SAMD12: variants seen among roughly 807,000 people sequenced by gnomAD.
SAMD12 encodes sterile alpha motif domain containing 12, also known as sterile alpha motif domain-containing protein 12.
Under a neutral mutation model 15.0 loss-of-function variants are expected in SAMD12, and 9 were observed. That is an observed-to-expected ratio of 0.60 (90% confidence interval 0.36 to 1.05). The LOEUF is 1.05. SAMD12 is among the 50% of genes least tolerant of loss of function. SAMD12 has a pLI of 0.01. For synonymous variants in SAMD12, 86 were observed against 90.1 expected, an observed-to-expected ratio of 0.96 and a Z score of 0.25; for missense variants, 230 against 234.2, an observed-to-expected ratio of 0.98 and a Z score of 0.12.
chr8:118,607,142 T>A (rs1163122425), intron 1 of SAMD12, among the ~76,000 whole-genome samples: 1 of 152,214 alleles, frequency 6.6e-6, no homozygotes, highest in Non-Finnish European at 1.5e-5. Flanking sequence ...GCAAAATAAA[T>A]GAATTCACAA....
At chr8:118,437,882 T>C (rs1411507863) in intron 3 of SAMD12, among the ~76,000 whole-genome samples, 2 of 152,150 alleles carry the variant, frequency 1.3e-5, no homozygotes, top group African/African-American at 4.8e-5. Context: ...TAAATGCTTA[T>C]CCTTCCCTCA....
intron 2 of SAMD12, among the ~76,000 whole-genome samples, chr8:118,469,871 A>G (rs1431142863): frequency 6.6e-6 from 1 of 151,888 alleles, no homozygotes; most frequent in South Asian, 2.1e-4. Context: ...CCTGTACTAT[A>G]ATTTTTATGT....
At chr8:118,147,655 C>T in the SAMD12 span, among the ~76,000 whole-genome samples, 60,916 of 151,994 alleles carry the variant, frequency 0.4, 14,680 homozygotes, top group Non-Finnish European at 0.53. Context: ...CCACCGTGCC[C>T]GGCCCCTATG....
At chr8:118,354,163 A>T (rs898463628) in intron 4 of SAMD12, among the ~76,000 whole-genome samples, 1 of 152,214 alleles carries the variant, frequency 6.6e-6, no homozygotes, top group East Asian at 1.9e-4. Flanking sequence ...AAATTTCAAC[A>T]AACAACTTGT....
intron 4 of SAMD12, among the ~76,000 whole-genome samples, chr8:118,313,481 T>C (rs1294388409): frequency 6.6e-6 from 1 of 152,176 alleles, no homozygotes; most frequent in African/African-American, 2.4e-5. Flanking sequence ...TGCAGGTACC[T>C]ACCTGCAGTG....
chr8:118,414,019 G>A (rs892027830), intron 3 of SAMD12, among the ~76,000 whole-genome samples: 6 of 152,098 alleles, frequency 3.9e-5, no homozygotes, highest in Non-Finnish European at 8.8e-5. Flanking sequence ...TTGCTGTCAG[G>A]CTTGACTATC....
intron 2 of SAMD12, among the ~76,000 whole-genome samples, chr8:118,534,999 C>G (rs530260303): frequency 3.2e-4 from 49 of 152,356 alleles, no homozygotes; most frequent in Middle Eastern, 3.4e-3. Flanking sequence ...TGGCGAGGAG[C>G]TGCATTCCTT....
intron 2 of SAMD12, among the ~76,000 whole-genome samples, chr8:118,523,584 A>G (rs776051083): frequency 4.6e-5 from 7 of 152,120 alleles, no homozygotes; most frequent in African/African-American, 7.2e-5. Flanking sequence ...CAAAACCCCA[A>G]TCTTCCATGA....
chr8:118,171,345 A>T, the SAMD12 span, among the ~76,000 whole-genome samples: 1 of 152,218 alleles, frequency 6.6e-6, no homozygotes. Flanking sequence ...GTATATATCC[A>T]AGAGAAATAA....
At position 118,621,813 on chromosome 8, in the gene SAMD12, C is replaced by A. The variant is rs748024037; in HGVS notation, c.4G>T (p.Ala2Ser). The A allele has an allele frequency of 1.2e-6, 2 of 1,614,126 alleles. No individual in the cohort carries two copies. Among genetic ancestry groups the A allele is most frequent in the Admixed American group, 3.3e-5 (2 of 60,032 alleles). ...CCCAAGCGTCCCTTACCTTCCACAG[C>A]CATTCTCTCAGAGCTTCCCTAACGC... M[A>S]VEALHCGLNP... Residue 2 changes from alanine (A) to serine (S), a missense_variant, in exon 1 of 4, where the codon GCT becomes TCT. Coordinates refer to ENST00000314727, the MANE Select transcript of SAMD12 (RefSeq NM_207506.3).
chr8:118,226,154 G>A (rs548118134), intron 4 of SAMD12, among the ~76,000 whole-genome samples: 5 of 152,210 alleles, frequency 3.3e-5, no homozygotes, highest in East Asian at 1.9e-4. Context: ...ATTTGTACAC[G>A]AGGTACCAAT....
intron 2 of SAMD12, among the ~76,000 whole-genome samples, chr8:118,492,724 A>ATTTT (rs1824486956): frequency 6.6e-6 from 1 of 152,238 alleles, no homozygotes; most frequent in Non-Finnish European, 1.5e-5. Flanking sequence ...GATACTGGAC[A>ATTTT]TAAAGAGGGA....
intron 3 of SAMD12, among the ~76,000 whole-genome samples, chr8:118,406,785 T>C (rs899540670): frequency 5.3e-5 from 8 of 152,132 alleles, no homozygotes; most frequent in Admixed American, 1.3e-4. Flanking sequence ...GCAGTATGTG[T>C]CTTTTTGTGA....
chr8:118,558,956 G>C (rs1826628619), intron 2 of SAMD12, among the ~76,000 whole-genome samples: 1 of 152,202 alleles, frequency 6.6e-6, no homozygotes, highest in Non-Finnish European at 1.5e-5. Flanking sequence ...GTCAGGAATA[G>C]AAATTCTGAC....
At chr8:118,243,904 A>G (rs539323186) in intron 4 of SAMD12, among the ~76,000 whole-genome samples, 2 of 152,266 alleles carry the variant, frequency 1.3e-5, no homozygotes, top group East Asian at 3.9e-4. Context: ...CATTGGGACA[A>G]TGATTTTCTT....
At chr8:118,450,321 G>T (rs1823040491) in intron 2 of SAMD12, among the ~76,000 whole-genome samples, 1 of 152,174 alleles carries the variant, frequency 6.6e-6, no homozygotes, top group Non-Finnish European at 1.5e-5. Flanking sequence ...ATCAAGGCCT[G>T]TTCTTCCTAT....
In SAMD12 at chr8:118,504,322, A is replaced by G. The variant is rs566423044; in HGVS notation, c.193-64361T>C. Among the ~76,000 whole-genome samples, 16 of 152,330 alleles carry G rather than the reference A, an allele frequency of 1.1e-4. No homozygotes were observed. In the South Asian group the frequency reaches 2.1e-3, roughly 20 times the overall value. On this transcript the variant is annotated intron_variant, in intron 2 of 3. Transcript: ENST00000314727. ...AGTAATAATGGATAGATTCTCTTTA[A>G]TAAATACATAAAGTGCAAGGTCCAT...
intron 3 of SAMD12, among the ~76,000 whole-genome samples, chr8:118,396,928 G>GT (rs1410615717): frequency 6.6e-6 from 1 of 152,140 alleles, no homozygotes; most frequent in Non-Finnish European, 1.5e-5. Context: ...GAGAAATGAG[G>GT]TATCTGAAGC....
At position 118,501,742 on chromosome 8, in the gene SAMD12, C is replaced by T. The variant is rs536503232; in HGVS notation, c.193-61781G>A. 3.3e-5 allele frequency among the ~76,000 whole-genome samples: 5 copies of T among 152,264 alleles called. No homozygotes were observed. The East Asian group carries it at 5.8e-4, about 18-fold the overall frequency. Reference sequence around the variant, plus strand: ...GTTAAAATGCAGATTCTGGGCCGGGCGCGGTGGCTCATGCCTGTAATCCCA... The same window carrying T: ...GTTAAAATGCAGATTCTGGGCCGGGTGCGGTGGCTCATGCCTGTAATCCCA... On this transcript the variant is annotated intron_variant, in intron 2 of 3. Transcript: ENST00000314727.
Sources: gnomAD v4.1 joint callset for allele counts (sites outside exome capture counted in the v4.1 genomes callset) on GRCh38, gnomAD v4.1.1 for gene constraint, MANE v1.5 for transcripts, NCBI Gene and HGNC (gene_info 2026-07-23, HGNC 2026-07-21) for gene names.